The following TMEM209 variants were observed in gnomAD, a reference collection of about 807,000 sequenced individuals.
The protein encoded by TMEM209 is testicular tissue protein Li 202.
Under a neutral mutation model 76.2 loss-of-function variants are expected in TMEM209, and 65 were observed. The ratio of observed to expected loss-of-function variants is 0.85; its 90% CI spans 0.70 to 1.05. The LOEUF is 1.05. Ranked by LOEUF, TMEM209 falls within the 50% of genes least tolerant of loss-of-function variation. The pLI, the probability that TMEM209 is intolerant of heterozygous loss-of-function variation, is 0.00. For missense variants in TMEM209, 623 were observed against 685.5 expected (o/e 0.91, Z 1.02); for synonymous variants, 239 against 237.6 (o/e 1.01, Z -0.06).
At position 130,185,611 on chromosome 7, in the gene TMEM209, G is replaced by A. The variant is rs190721291; in HGVS notation, c.776-244C>T. ...AAACAATAAGCAGTCAAAGGCATCT[G>A]TCTAGTTCTGTTGAAAAGTTAAGCT... On this transcript the variant is annotated intron_variant, in intron 6 of 14. Transcript: ENST00000397622. Among the ~76,000 whole-genome samples the A allele has an allele frequency of 1.3e-3, 194 of 152,296 alleles. 1 individual carries two copies. Among genetic ancestry groups the A allele is most frequent in the African/African-American group, 4.3e-3 (177 of 41,578 alleles).
At chr7:130,193,338 T>A (rs767969870) in intron 5 of TMEM209, among the ~76,000 whole-genome samples, 8 of 152,020 alleles carry the variant, frequency 5.3e-5, no homozygotes, top group Non-Finnish European at 1.0e-4. Flanking sequence ...CTGAGGTCGG[T>A]GACCAGCCTG....
rs920171124 is a variant in TMEM209 at position 130,188,335 on chromosome 7, A to G, written c.776-2968T>C. Among the ~76,000 whole-genome samples, 16 of 152,226 alleles carry G rather than the reference A, an allele frequency of 1.1e-4. No individual in the cohort carries two copies. The Middle Eastern group carries it at 0.014, about 129-fold the overall frequency. On this transcript the variant is annotated intron_variant, in intron 6 of 14. Coordinates refer to ENST00000397622, the MANE Select transcript of TMEM209 (RefSeq NM_032842.4). The stretch of plus-strand genomic sequence containing the variant: ...ACTTTGGCCAGGCGCAGTGACTCAC[A>G]CTTGTAATCCCAGCACTTTGGGAGG...
chr7:130,202,537 G>A lies in TMEM209; in HGVS notation c.326C>T (p.Thr109Ile), dbSNP rs1184154525. 1 of 1,608,844 alleles carries A rather than the reference G, an allele frequency of 6.2e-7. No homozygotes were observed. Among genetic ancestry groups the A allele is most frequent in the African/African-American group, 1.3e-5 (1 of 74,740 alleles). Residue 109 changes from threonine (T) to isoleucine (I), a missense_variant, in exon 4 of 15, where the codon ACA becomes ATA. By Grantham distance (89) the Thr-to-Ile change is moderately conservative (BLOSUM62 -1). Transcript: ENST00000397622. ...PGQQTLLGLKTAVVQTTPPHD... is the reference protein window; with the variant it reads ...PGQQTLLGLKIAVVQTTPPHD... ...AAGAGATATAAAACACTCACCAGCT[G>A]TTTTCAACCCTAAAAGTGTTTGCTG...
At chr7:130,177,788 T>C (rs1363880917) in intron 10 of TMEM209, among the ~76,000 whole-genome samples, 1 of 152,150 alleles carries the variant, frequency 6.6e-6, no homozygotes, top group Non-Finnish European at 1.5e-5. Context: ...TAAAAAGTCA[T>C]GAAAAATGTT....
intron 6 of TMEM209, 100 bp from the exon 7 acceptor site, chr7:130,185,467 C>T: frequency 1.0e-6 from 1 of 998,124 alleles, no homozygotes; most frequent in South Asian, 2.0e-5. Context: ...AATCAGAAGA[C>T]CAACCCTCAA....
chr7:130,191,133 G>C (rs1797782029), intron 6 of TMEM209, among the ~76,000 whole-genome samples: 1 of 152,112 alleles, frequency 6.6e-6, no homozygotes, highest in Non-Finnish European at 1.5e-5. Flanking sequence ...TATAGGGATA[G>C]AGATAGATAT....
chr7:130,194,091 C>T (rs1231156702), intron 5 of TMEM209, among the ~76,000 whole-genome samples: 1 of 151,352 alleles, frequency 6.6e-6, no homozygotes, highest in Admixed American at 6.6e-5. Context: ...CCCAGCTACT[C>T]GGGAGGCTGA....
chr7:130,182,653 G>A (rs1797462244), intron 8 of TMEM209, among the ~76,000 whole-genome samples: 1 of 152,114 alleles, frequency 6.6e-6, no homozygotes, highest in African/African-American at 2.4e-5. Context: ...CATCTGGTTT[G>A]TGTGTTATTA....
chr7:130,175,666 A>C, intron 10 of TMEM209, 57 bp from the exon 11 acceptor site: 2 of 1,382,238 alleles, frequency 1.4e-6, no homozygotes, highest in South Asian at 2.7e-5. Flanking sequence ...AGAAAAGAAA[A>C]AAAAAGCTAA....
At chr7:130,176,686 C>T (rs1166500512) in intron 10 of TMEM209, among the ~76,000 whole-genome samples, 2 of 149,054 alleles carry the variant, frequency 1.3e-5, no homozygotes, top group South Asian at 4.2e-4. Context: ...AAATAAATTG[C>T]AAAGGAAAAA....
intron 13 of TMEM209, among the ~76,000 whole-genome samples, chr7:130,172,906 G>A (rs1412530219): frequency 6.7e-6 from 1 of 150,094 alleles, no homozygotes; most frequent in Non-Finnish European, 1.5e-5. Context: ...GGCTGAGGCA[G>A]GAGAATTGCT....
intron 6 of TMEM209, among the ~76,000 whole-genome samples, chr7:130,189,266 G>A (rs866217171): frequency 7.9e-5 from 12 of 151,850 alleles, no homozygotes; most frequent in African/African-American, 2.4e-4. Flanking sequence ...GTGTGATCTC[G>A]GTTCACTGCA....
intron 6 of TMEM209, among the ~76,000 whole-genome samples, chr7:130,185,700 G>C (rs922700769): frequency 6.6e-6 from 1 of 152,090 alleles, no homozygotes; most frequent in African/African-American, 2.4e-5. Context: ...AATTTCTTTA[G>C]GAAATAAATA....
chr7:130,194,353 T>C (rs1395151497), intron 5 of TMEM209, among the ~76,000 whole-genome samples: 2 of 145,508 alleles, frequency 1.4e-5, no homozygotes, highest in African/African-American at 5.1e-5. Flanking sequence ...AAAAAAAAGG[T>C]AACTCATGGA....
Position 130,185,216 on chromosome 7 carries a change from G to C in TMEM209, c.927C>G (p.Leu309=). The C allele has an allele frequency of 1.2e-6, 2 of 1,613,692 alleles. No individual in the cohort carries two copies. Among genetic ancestry groups the C allele is most frequent in the Non-Finnish European group, 1.7e-6 (2 of 1,179,706 alleles). Residue 309 remains leucine, a synonymous_variant, in exon 7 of 15, where the codon CTC becomes CTG. Transcript: ENST00000397622. ...CCTCTTCTGCGGCTTGTTTAGAGCT[G>C]AGATCGGCTTCATCTTTGTTAGCAC... ...APCANKDEAD[L]SSKQAAEEVW... is the part of the protein sequence containing the mutation.
chr7:130,186,420 G>A (rs1367874670), intron 6 of TMEM209, among the ~76,000 whole-genome samples: 1 of 152,076 alleles, frequency 6.6e-6, no homozygotes, highest in East Asian at 1.9e-4. Context: ...ATACAGTAAA[G>A]AAACATCACA....
chr7:130,198,917 T>C (rs1211672335), intron 5 of TMEM209, among the ~76,000 whole-genome samples: 1 of 152,220 alleles, frequency 6.6e-6, no homozygotes, highest in African/African-American at 2.4e-5. Flanking sequence ...TATTAAATTT[T>C]ACTGTTCCAA....
At chr7:130,171,501 A>C (rs192134390) in intron 13 of TMEM209, among the ~76,000 whole-genome samples, 6 of 152,328 alleles carry the variant, frequency 3.9e-5, no homozygotes, top group African/African-American at 1.2e-4. Context: ...GGAAAAAAAA[A>C]CAGATGGTGG....
chr7:130,188,595 C>CAAA (rs10649977), intron 6 of TMEM209, among the ~76,000 whole-genome samples: 3 of 72,678 alleles, frequency 4.1e-5, no homozygotes, highest in Admixed American at 1.5e-4. Context: ...GACTCCGTAT[C>CAAA]AAAAAAAAAA....
Sources: gnomAD v4.1 joint callset for allele counts (sites outside exome capture counted in the v4.1 genomes callset) on GRCh38, gnomAD v4.1.1 for gene constraint, MANE v1.5 for transcripts, NCBI Gene and HGNC (gene_info 2026-07-23, HGNC 2026-07-21) for gene names.